Variants in CPLANE1 observed in about 807,000 individuals in gnomAD.
The protein encoded by CPLANE1 is ciliogenesis and planar polarity effector 1.
CPLANE1 carries 263 observed loss-of-function variants against 362.5 expected under a neutral mutation model. That is an observed-to-expected ratio of 0.73 (90% CI 0.66 to 0.80). CPLANE1 has a LOEUF of 0.80. CPLANE1 is among the 30% of genes least tolerant of loss of function. The pLI is 0.00. For missense variants in CPLANE1, 3,461 were observed against 3,793.4 expected, an observed-to-expected ratio of 0.91 and a Z score of 2.30; for synonymous variants, 1,212 against 1,302.6, an observed-to-expected ratio of 0.93 and a Z score of 1.50.
At chr5:37,078,153 T>C in the CPLANE1 span, among the ~76,000 whole-genome samples, 1 of 152,184 alleles carries the variant, frequency 6.6e-6, no homozygotes, top group African/African-American at 2.4e-5. Flanking sequence ...TCCCATCACC[T>C]AGATGTTAAG....
chr5:37,223,587 G>A (rs1795807153), intron 14 of CPLANE1, among the ~76,000 whole-genome samples: 1 of 152,210 alleles, frequency 6.6e-6, no homozygotes, highest in South Asian at 2.1e-4. Flanking sequence ...AGGGTCACCA[G>A]CTGAGAACCT....
chr5:37,210,567 C>T (rs973095702), intron 16 of CPLANE1: 28 of 1,529,230 alleles, frequency 1.8e-5, no homozygotes, highest in Non-Finnish European at 2.3e-5. Flanking sequence ...ATCTATAAAT[C>T]GCATGAAAGA....
At chr5:37,084,344 A>G in the CPLANE1 span, among the ~76,000 whole-genome samples, 1 of 152,202 alleles carries the variant, frequency 6.6e-6, no homozygotes, top group Non-Finnish European at 1.5e-5. Context: ...TAAATCTCAC[A>G]GGACCTATAA....
At chr5:37,183,788 T>A (rs1352241497) in intron 25 of CPLANE1, 89 bp from the exon 26 acceptor site, 1 of 892,616 alleles carries the variant, frequency 1.1e-6, no homozygotes, top group Non-Finnish European at 1.7e-6. Flanking sequence ...TTCTCTCCAA[T>A]GATTAAGTCA....
chr5:37,121,838 T>C (rs1762731391), intron 48 of CPLANE1, 54 bp from the exon 49 acceptor site: 2 of 1,450,816 alleles, frequency 1.4e-6, no homozygotes, highest in Non-Finnish European at 1.9e-6. Context: ...AGTTCATCTA[T>C]CCAGAGGGAA....
chr5:37,086,428 A>G, the CPLANE1 span, among the ~76,000 whole-genome samples: 1 of 152,240 alleles, frequency 6.6e-6, no homozygotes, highest in Non-Finnish European at 1.5e-5. Context: ...TATAAAATAA[A>G]ACACAAACCT....
rs774797422 is a variant in CPLANE1, at chr5:37,198,746, A to G, written c.3628T>C (p.Trp1210Arg). 2 of 1,614,098 alleles carry G rather than the reference A, an allele frequency of 1.2e-6. No homozygotes were observed. Among genetic ancestry groups the G allele is most frequent in the South Asian group, 2.2e-5 (2 of 91,080 alleles). The change falls in exon 20 of 53, where the codon TGG (tryptophan) becomes CGG (arginine). Residue 1210 changes from tryptophan to arginine, a missense_variant. Around this residue, in one of 2 missense-constraint regions of CPLANE1, gnomAD observed 3,380 missense variants for 3,666.1 expected, o/e 0.92. Transcript: ENST00000651892. ...AAQCSFPVAQ[W>R]YILQLRWARK... ...GCCCACCTCAACTGCAATATATACC[A>G]CTGTGCTACAGGAAAAGAACACTGA... is the stretch of plus-strand genomic sequence containing the variant.
intron 6 of CPLANE1, 86 bp downstream of exon 6, chr5:37,242,927 C>T: frequency 1.2e-6 from 1 of 816,400 alleles, no homozygotes; most frequent in African/African-American, 1.8e-5. Flanking sequence ...GTGCCACTAC[C>T]CCCCAGTCTG....
At chr5:37,078,949 T>C in the CPLANE1 span, among the ~76,000 whole-genome samples, 1 of 152,208 alleles carries the variant, frequency 6.6e-6, no homozygotes, top group African/African-American at 2.4e-5. Flanking sequence ...CTCTGGATAT[T>C]AGACTTTTGT....
Position 37,209,988 on chromosome 5 carries a change from G to A in CPLANE1, c.2921-3563C>T. ...AAATGAATATAAGAGAGAAATAGAA[G>A]AGCAACTTCGGGAAGAAATATGTCA... On this transcript the variant is annotated intron_variant, in intron 16 of 52. Transcript: ENST00000651892. This position sits in a 1 kb window ranked among gnomAD's most constrained non-coding sequence, Gnocchi z 4.6. 3.3e-6 allele frequency: 3 copies of A among 914,272 alleles called. No homozygotes were observed. The highest frequency in any genetic ancestry group is 2.8e-5 in the South Asian group (2 of 71,162). The allele number at this position is 914,272 out of a possible 1,614,324, so 56.6% of individuals were successfully genotyped here.
At chr5:37,123,869 T>C (rs1763386526) in intron 47 of CPLANE1, among the ~76,000 whole-genome samples, 1 of 151,662 alleles carries the variant, frequency 6.6e-6, no homozygotes, top group Non-Finnish European at 1.5e-5. Flanking sequence ...TCTTGGGTAT[T>C]TACTTCACTG....
the CPLANE1 span, among the ~76,000 whole-genome samples, chr5:37,090,351 T>A: frequency 6.6e-6 from 1 of 152,202 alleles, no homozygotes; most frequent in Non-Finnish European, 1.5e-5. Context: ...ACTAAAACAC[T>A]ATCTCCCTAT....
chr5:37,195,749 A>C, intron 21 of CPLANE1, 109 bp downstream of exon 21: 1 of 1,050,834 alleles, frequency 9.5e-7, no homozygotes, highest in Non-Finnish European at 1.4e-6. Flanking sequence ...TGTAAACACA[A>C]AGTAAAATAT....
At chr5:37,174,462 C>T (rs1485264114) in intron 31 of CPLANE1, among the ~76,000 whole-genome samples, 1 of 152,044 alleles carries the variant, frequency 6.6e-6, no homozygotes, top group East Asian at 1.9e-4. Flanking sequence ...GTACTGTGAA[C>T]ATTTCATTTC....
chr5:37,243,796 CATATAAT>C (rs904006969), intron 5 of CPLANE1, among the ~76,000 whole-genome samples: 1 of 142,714 alleles, frequency 7.0e-6, no homozygotes, highest in African/African-American at 2.6e-5. Flanking sequence ...TATAATATAC[CATATAAT>C]ATATAATATA....
intron 16 of CPLANE1, chr5:37,211,620 C>T: frequency 1.2e-6 from 1 of 843,656 alleles, no homozygotes; most frequent in Non-Finnish European, 2.1e-6. Context: ...TGAAATATAT[C>T]TGGAAGGTCT....
chr5:37,152,884 GA>G (rs1218424464), intron 42 of CPLANE1, among the ~76,000 whole-genome samples: 1 of 151,914 alleles, frequency 6.6e-6, no homozygotes, highest in African/African-American at 2.4e-5. Flanking sequence ...GCAAGACTAT[GA>G]CTCAAGAATA....
chr5:37,115,901 C>T (rs1760816043), intron 50 of CPLANE1, among the ~76,000 whole-genome samples: 1 of 151,550 alleles, frequency 6.6e-6, no homozygotes, highest in South Asian at 2.1e-4. Flanking sequence ...CCGACTTTTA[C>T]TTTTTTATGC....
chr5:37,176,453 T>C (rs945869922), intron 30 of CPLANE1, among the ~76,000 whole-genome samples: 12 of 151,886 alleles, frequency 7.9e-5, no homozygotes, highest in African/African-American at 2.7e-4. Context: ...CTGGGTGACA[T>C]GGCGAATCCC....
Sources: gnomAD v4.1 joint callset for allele counts (sites outside exome capture counted in the v4.1 genomes callset) on GRCh38, gnomAD v4.1.1 for gene constraint, gnomAD v4.1.1 regional missense constraint, Gnocchi (gnomAD v3.1) non-coding constraint, MANE v1.5 for transcripts, NCBI Gene and HGNC (gene_info 2026-07-23, HGNC 2026-07-21) for gene names.